HMMR: variants seen among roughly 807,000 people sequenced by gnomAD.
HMMR encodes the protein intracellular hyaluronic acid-binding protein.
In HMMR, 108 loss-of-function variants were observed where a neutral mutation model predicts 101.0. That is an observed-to-expected ratio of 1.07 (90% confidence interval 0.92 to 1.25). HMMR has a LOEUF of 1.25. Ranked by LOEUF, HMMR falls within the 50% of genes most tolerant of loss-of-function variation. The pLI, the probability that HMMR is intolerant of heterozygous loss-of-function variation, is 0.00. For synonymous variants in HMMR, 296 were observed against 276.4 expected (o/e 1.07, Z -0.70); for missense variants, 813 against 788.7 (o/e 1.03, Z -0.37).
At chr5:163,491,060 T>C (rs928876599) in intron 17 of HMMR, 52 bp from the exon 18 acceptor site, 8 of 1,040,290 alleles carry the variant, frequency 7.7e-6, no homozygotes, top group East Asian at 2.6e-5. Context: ...TAATGATGGA[T>C]AAATTCGTTT....
At chr5:163,477,412 G>GTTTT (rs1759103485) in intron 11 of HMMR, among the ~76,000 whole-genome samples, 1 of 152,126 alleles carries the variant, frequency 6.6e-6, no homozygotes, top group African/African-American at 2.4e-5. Flanking sequence ...ATCTGTCTCA[G>GTTTT]TGGATACTTT....
At chr5:163,490,766 A>G (rs1156897431) in intron 17 of HMMR, among the ~76,000 whole-genome samples, 2 of 152,112 alleles carry the variant, frequency 1.3e-5, no homozygotes, top group Non-Finnish European at 2.9e-5. Context: ...TTCAAGGCAA[A>G]TCTCAAATCT....
chr5:163,471,756 C>T (rs1300530465), intron 7 of HMMR, among the ~76,000 whole-genome samples: 1 of 152,122 alleles, frequency 6.6e-6, no homozygotes, highest in Non-Finnish European at 1.5e-5. Context: ...TTGAGAAACA[C>T]TGGTATAGGA....
chr5:163,488,305 T>A (rs1759552681), intron 16 of HMMR, among the ~76,000 whole-genome samples: 1 of 152,178 alleles, frequency 6.6e-6, no homozygotes, highest in Non-Finnish European at 1.5e-5. Flanking sequence ...ATAGGTGGTT[T>A]TTCAGCCCTT....
chr5:163,474,365 C>T (rs141692321), intron 10 of HMMR, among the ~76,000 whole-genome samples, 160 bp downstream of exon 10: 1 of 152,054 alleles, frequency 6.6e-6, no homozygotes, highest in South Asian at 2.1e-4. Context: ...GATTTAGCTA[C>T]GTATTTTCAC....
intron 1 of HMMR, 23 bp downstream of exon 1, chr5:163,460,761 G>C (rs1335808814): frequency 6.2e-7 from 1 of 1,600,982 alleles, no homozygotes; most frequent in African/African-American, 1.3e-5. Flanking sequence ...GAAAGAGCTG[G>C]GGGACGGGAG....
At chr5:163,460,769 G>C (rs910637317) in intron 1 of HMMR, 31 bp downstream of exon 1, 3 of 1,592,974 alleles carry the variant, frequency 1.9e-6, no homozygotes. Flanking sequence ...TGGGGGACGG[G>C]AGACGCCCTA....
intron 5 of HMMR, 165 bp downstream of exon 5, chr5:163,469,994 C>G (rs1414102167): frequency 1.1e-5 from 5 of 475,198 alleles, no homozygotes; most frequent in Admixed American, 8.2e-5. Context: ...ATGGAGAAAC[C>G]CTGTCTCTAC....
At chr5:163,474,412 A>G in intron 10 of HMMR, 1 of 549,748 alleles carries the variant, frequency 1.8e-6, no homozygotes, top group Non-Finnish European at 3.3e-6. Context: ...AATGTGGGAA[A>G]ATGACAACAG....
In HMMR at chr5:163,475,559, G is replaced by A. The variant is rs371780704; in HGVS notation, c.1155G>A (p.Glu385=). The change falls in exon 11 of 18, where the codon GAG becomes GAA. Residue 385 remains glutamate, a synonymous_variant. Transcript: ENST00000393915. The stretch of plus-strand genomic sequence containing the variant: ...AAGAATTAAAGCAAACACTGGATGA[G>A]CTTGATAAATTACAGCAAAAGGAGG... ...FEEELKQTLD[E]LDKLQQKEEQ... 435 of 1,611,902 alleles carry A rather than the reference G, an allele frequency of 2.7e-4. No homozygotes were observed. Among genetic ancestry groups the A allele is most frequent in the Admixed American group, 6.8e-4 (41 of 59,954 alleles).
Position 163,491,409 on chromosome 5 carries a change from G to C in HMMR, c.*245G>C, listed in dbSNP as rs1220312829. ...ACCCTTTCGCTGGCTTTCCAGCTTA[G>C]AATGCATCTCATCAACTTAAAAGTC... On this transcript the variant is annotated 3_prime_UTR_variant, in exon 18 of 18. Transcript: ENST00000393915. 2.5e-5 allele frequency: 9 copies of C among 353,522 alleles called. No individual in the cohort carries two copies. The highest frequency in any genetic ancestry group is 3.5e-5 in the Non-Finnish European group (7 of 197,636). 21.9% of individuals were successfully genotyped at this position (353,522 alleles called of 1,614,324 possible).
intron 10 of HMMR, 57 bp downstream of exon 10, chr5:163,474,262 GTCTC>G: frequency 2.3e-6 from 3 of 1,303,922 alleles, no homozygotes; most frequent in Non-Finnish European, 3.3e-6. Flanking sequence ...ATTTCCCTAT[GTCTC>G]TGAACACCTT....
Position 163,484,239 on chromosome 5 carries a change from C to T in HMMR, c.1956C>T (p.Leu652=). 6.3e-7 allele frequency: 1 copy of T among 1,577,608 alleles called. No individual in the cohort carries two copies. Residue 652 remains leucine, a synonymous_variant, in exon 16 of 18, where the codon CTC becomes CTT. Transcript: ENST00000393915. ...AGTTGAAAGATGAAAATAGCCAACT[C>T]AAATCGGTTTGTAAAATGACTTTTC... ...VVKLKDENSQ[L]KSEVSKLRCQ...
chr5:163,471,064 C>A, intron 5 of HMMR, 121 bp from the exon 6 acceptor site: 1 of 646,574 alleles, frequency 1.5e-6, no homozygotes, highest in Non-Finnish European at 2.7e-6. Flanking sequence ...TTCTCTCTAC[C>A]AAAGTATATT....
chr5:163,473,595 T>C, intron 9 of HMMR, 38 bp downstream of exon 9: 1 of 1,301,102 alleles, frequency 7.7e-7, no homozygotes, highest in African/African-American at 1.5e-5. Flanking sequence ...TTTAGATAAG[T>C]GTTACATACA....
chr5:163,482,415 T>G lies in HMMR; in HGVS notation c.1386-227T>G, dbSNP rs568285861. Among the ~76,000 whole-genome samples, 9 of 152,342 alleles carry G rather than the reference T, an allele frequency of 5.9e-5. No homozygotes were observed. The South Asian group carries it at 1.9e-3, about 32-fold the overall frequency. ...TTTCCATCTCTGTATGCATACTTCC[T>G]GCACCTAGTAGGCACTTGATTTTTT... is the stretch of plus-strand genomic sequence containing the variant. On this transcript the variant is annotated intron_variant, in intron 12 of 17. Coordinates refer to ENST00000393915, the MANE Select transcript of HMMR (RefSeq NM_001142556.2).
chr5:163,461,137 T>G (rs929479338), intron 1 of HMMR, among the ~76,000 whole-genome samples: 1 of 152,134 alleles, frequency 6.6e-6, no homozygotes, highest in Non-Finnish European at 1.5e-5. Context: ...TTTTGTGTAT[T>G]CCATTTGGGC....
chr5:163,472,122 A>G (rs1040317887), intron 7 of HMMR, among the ~76,000 whole-genome samples: 2 of 151,246 alleles, frequency 1.3e-5, no homozygotes, highest in African/African-American at 4.9e-5. Flanking sequence ...GACTCAAGTG[A>G]TACCACCCTG....
intron 7 of HMMR, among the ~76,000 whole-genome samples, chr5:163,471,910 T>C (rs892735748): frequency 1.3e-5 from 2 of 152,114 alleles, no homozygotes; most frequent in African/African-American, 4.8e-5. Context: ...ATAGAGAACA[T>C]TTTCATCCCT....
Sources: gnomAD v4.1 joint callset for allele counts (sites outside exome capture counted in the v4.1 genomes callset) on GRCh38, gnomAD v4.1.1 for gene constraint, MANE v1.5 for transcripts, NCBI Gene and HGNC (gene_info 2026-07-23, HGNC 2026-07-21) for gene names.